The following NAA25 variants were observed in gnomAD, a reference collection of about 807,000 sequenced individuals.
NAA25 encodes the protein N-alpha-acetyltransferase 25, NatB auxiliary subunit.
Under a neutral mutation model 132.5 loss-of-function variants are expected in NAA25, and 30 were observed. The observed-to-expected ratio is 0.23, with a 90% confidence interval of 0.17 to 0.31. The LOEUF is 0.31. NAA25 is among the 10% of genes least tolerant of loss of function. The pLI, the probability that NAA25 is intolerant of heterozygous loss-of-function variation, is 1.00. For synonymous variants in NAA25, 359 were observed against 401.9 expected (o/e 0.89, Z 1.28); for missense variants, 771 against 1,150.4 (o/e 0.67, Z 4.77).
Position 112,033,349 on chromosome 12 carries a change from C to T in NAA25, c.2680G>A (p.Val894Ile). Residue 894 changes from valine to isoleucine, a missense_variant, in exon 23 of 24, where the codon GTT (valine) becomes ATT (isoleucine). This residue lies in a region of NAA25 where 324 missense variants were observed against 400.0 expected (regional missense o/e 0.81). Coordinates refer to ENST00000261745, the MANE Select transcript of NAA25 (RefSeq NM_024953.4). ...GAAATTAAAGTCTGAAGCCCAGTAA[C>T]ATAGTCTTGGAAACTGGTAAAGACA... ...PPVFTSFQDY[V>I]TGLQTLISNV... The T allele has an allele frequency of 6.2e-7, 1 of 1,611,500 alleles. No homozygotes were observed. Among genetic ancestry groups the T allele is most frequent in the Non-Finnish European group, 8.5e-7 (1 of 1,178,956 alleles).
At chr12:112,092,135 G>A (rs2079140476) in intron 2 of NAA25, among the ~76,000 whole-genome samples, 1 of 152,106 alleles carries the variant, frequency 6.6e-6, no homozygotes, top group Non-Finnish European at 1.5e-5. Context: ...CAGCTACTCA[G>A]GAGGCTGAGG....
chr12:112,037,406 A>C (rs1309796325), intron 22 of NAA25, among the ~76,000 whole-genome samples: 1 of 145,468 alleles, frequency 6.9e-6, no homozygotes, highest in Non-Finnish European at 1.5e-5. Context: ...AAATGATAAA[A>C]GACAGAATTT....
At chr12:112,070,733 G>C (rs953336107) in intron 10 of NAA25, among the ~76,000 whole-genome samples, 1 of 151,088 alleles carries the variant, frequency 6.6e-6, no homozygotes, top group Non-Finnish European at 1.5e-5. Context: ...ACGACACCAC[G>C]CTCAGATAAT....
intron 2 of NAA25, among the ~76,000 whole-genome samples, chr12:112,092,679 CCCCT>C (rs2079152206): frequency 6.7e-6 from 1 of 149,394 alleles, no homozygotes; most frequent in African/African-American, 2.5e-5. Context: ...CTTTCTCCCC[CCCCT>C]TTTTTTTTTT....
chr12:112,093,096 T>C lies in NAA25; in HGVS notation c.99A>G (p.Gln33=). 1 of 1,612,784 alleles carries C rather than the reference T, an allele frequency of 6.2e-7. No homozygotes were observed. The highest frequency in any genetic ancestry group is 2.2e-5 in the East Asian group (1 of 44,852). Residue 33 remains glutamine (Q), a synonymous_variant, in exon 2 of 24, where the codon CAA becomes CAG. Transcript: ENST00000261745. ...DNGNNKMAIQ[Q]ADKLLKKHKD... ...TATGTTTCTTCAACAGTTTATCTGCTTGCTGAATTGCCATTTTATTATTAC... is the reference window on the plus strand; with the variant it reads ...TATGTTTCTTCAACAGTTTATCTGCCTGCTGAATTGCCATTTTATTATTAC...
chr12:112,056,202 C>T (rs1309463506), intron 13 of NAA25, among the ~76,000 whole-genome samples: 3 of 152,012 alleles, frequency 2.0e-5, no homozygotes, highest in Non-Finnish European at 2.9e-5. Context: ...GGCGTGGTGG[C>T]GGGTGCCTAT....
At chr12:112,071,079 C>T (rs953202309) in intron 10 of NAA25, among the ~76,000 whole-genome samples, 3 of 147,250 alleles carry the variant, frequency 2.0e-5, no homozygotes, top group African/African-American at 5.1e-5. Flanking sequence ...AACGGGGTTA[C>T]GGCCATGTTG....
chr12:112,095,770 T>G (rs555349474), intron 1 of NAA25, among the ~76,000 whole-genome samples: 2 of 152,022 alleles, frequency 1.3e-5, no homozygotes, highest in Non-Finnish European at 2.9e-5. Flanking sequence ...CATGGCATTC[T>G]GGAAAAGGTG....
chr12:112,092,818 C>T (rs1462704871), intron 2 of NAA25, among the ~76,000 whole-genome samples: 1 of 151,974 alleles, frequency 6.6e-6, no homozygotes, highest in Admixed American at 6.6e-5. Flanking sequence ...GCTGGGATTA[C>T]AGGCGCACGC....
At chr12:112,073,285 C>T (rs1182246767) in intron 9 of NAA25, among the ~76,000 whole-genome samples, 1 of 150,428 alleles carries the variant, frequency 6.6e-6, no homozygotes, top group South Asian at 2.1e-4. Flanking sequence ...CACACACACA[C>T]ATATATTTTT....
chr12:112,099,809 G>T (rs1487095095), intron 1 of NAA25, among the ~76,000 whole-genome samples: 1 of 152,274 alleles, frequency 6.6e-6, no homozygotes, highest in East Asian at 1.9e-4. Context: ...AAATAAAAAG[G>T]AAAGTTTTTC....
intron 22 of NAA25, among the ~76,000 whole-genome samples, chr12:112,037,278 A>T (rs1466085110): frequency 1.7e-4 from 2 of 11,584 alleles, no homozygotes; most frequent in Non-Finnish European, 2.7e-4. Context: ...AAAAATACAT[A>T]TATATATATA....
At position 112,028,497 on chromosome 12, in the gene NAA25, AATAAC is replaced by A. The variant is rs1565992590; in HGVS notation, c.*1029_*1033del. On this transcript the variant is annotated 3_prime_UTR_variant, in exon 24 of 24. Coordinates refer to ENST00000261745, the MANE Select transcript of NAA25 (RefSeq NM_024953.4). Reference sequence around the variant, plus strand: ...AGTAGTCCAAACCTCAAACCCACTGAATAACATTTCTTTTGCCAGCCTAAAACTTA... The same window carrying A: ...AGTAGTCCAAACCTCAAACCCACTGAATTTCTTTTGCCAGCCTAAAACTTA... 1 of 152,230 alleles carries A rather than the reference AATAAC, an allele frequency of 6.6e-6. No homozygotes were observed. The highest frequency in any genetic ancestry group is 1.5e-5 in the Non-Finnish European group (1 of 68,040). The allele number at this position is 152,230 out of a possible 1,614,324, so 9.4% of individuals were successfully genotyped here. A position where few individuals can be genotyped will look rare whatever the true frequency, so the allele number is the denominator to read the frequency against.
In NAA25 at chr12:112,029,499, C is replaced by A; in HGVS notation, c.*32G>T. On this transcript the variant is annotated 3_prime_UTR_variant, in exon 24 of 24. Transcript: ENST00000261745. ...GGGAAGATGGTGTCATATTCTGTTG[C>A]AGAGTCATCAGTGCCCATGATAGAT... is the stretch of plus-strand genomic sequence containing the variant. 1 of 1,613,482 alleles carries A rather than the reference C, an allele frequency of 6.2e-7. No individual in the cohort carries two copies. The highest frequency in any genetic ancestry group is 8.5e-7 in the Non-Finnish European group (1 of 1,179,750).
chr12:112,106,886 G>A (rs2079368384), intron 1 of NAA25, among the ~76,000 whole-genome samples: 1 of 149,488 alleles, frequency 6.7e-6, no homozygotes, highest in Admixed American at 6.7e-5. Context: ...CCAGGAGGCG[G>A]AGGCTGGTTG....
At chr12:112,061,449 T>C (rs929102526) in intron 11 of NAA25, 61 bp from the exon 12 acceptor site, 1 of 1,189,780 alleles carries the variant, frequency 8.4e-7, no homozygotes, top group African/African-American at 1.5e-5. Flanking sequence ...CAGTAGGCCA[T>C]AATTAACAGA....
rs547354039 is a variant in NAA25 at position 112,108,326 on chromosome 12, A to G, written c.58+390T>C. ...AATAAAAAAAAATCTCTGGTAGGGAATCTTCCCTCAGGCAGGGCGTCCCAC... is the reference window on the plus strand; with the variant it reads ...AATAAAAAAAAATCTCTGGTAGGGAGTCTTCCCTCAGGCAGGGCGTCCCAC... On this transcript the variant is annotated intron_variant, in intron 1 of 23. Coordinates refer to ENST00000261745, the MANE Select transcript of NAA25 (RefSeq NM_024953.4). 5.1e-4 allele frequency among the ~76,000 whole-genome samples: 78 copies of G among 152,322 alleles called. No homozygotes were observed. The Middle Eastern group carries it at 0.031, about 60-fold the overall frequency.
chr12:112,051,695 A>T (rs1469263634), intron 15 of NAA25, among the ~76,000 whole-genome samples: 1 of 152,212 alleles, frequency 6.6e-6, no homozygotes, highest in Admixed American at 6.5e-5. Context: ...CACTTTTGCC[A>T]CACACAACCA....
rs1566027571 is a variant in NAA25, at chr12:112,086,097, CA to C, written c.402+1585del. On this transcript the variant is annotated intron_variant, in intron 4 of 23. Coordinates refer to ENST00000261745, the MANE Select transcript of NAA25 (RefSeq NM_024953.4). Reference sequence around the variant, plus strand: ...ATACACACACACACACACACACACACACACACCCATAACCATTTTACATTTT... The same window carrying C: ...ATACACACACACACACACACACACACCACACCCATAACCATTTTACATTTT... Among the ~76,000 whole-genome samples the C allele has an allele frequency of 1.9e-3, 242 of 128,604 alleles. 4 individuals are homozygous for C. The highest frequency in any genetic ancestry group is 7.3e-3 in the African/African-American group (235 of 32,348). The allele number at this position is 128,604 out of a possible 152,430, so 84.4% of individuals were successfully genotyped here. A position where few individuals can be genotyped will look rare whatever the true frequency, so the allele number is the denominator to read the frequency against.
Sources: allele counts gnomAD v4.1 joint callset (sites outside exome capture counted in the v4.1 genomes callset), GRCh38; gene constraint gnomAD v4.1.1; regional missense constraint gnomAD v4.1.1; transcripts MANE v1.5; gene names NCBI Gene and HGNC (gene_info 2026-07-23, HGNC 2026-07-21).